The following ARHGEF16 variants were observed in gnomAD, a reference collection of about 807,000 sequenced individuals.
ARHGEF16 encodes Rho guanine nucleotide exchange factor 16.
ARHGEF16 carries 59 observed loss-of-function variants against 74.1 expected under a neutral mutation model. That is an observed-to-expected ratio of 0.80 (90% confidence interval 0.65 to 0.99). The LOEUF is 0.99. ARHGEF16 is among the 50% of genes least tolerant of loss of function. ARHGEF16 has a pLI of 0.00. For missense variants in ARHGEF16, 948 were observed against 986.6 expected (o/e 0.96, Z 0.52); for synonymous variants, 415 against 412.6 (o/e 1.01, Z -0.07).
chr1:3,465,448 G>A (rs913589011), intron 2 of ARHGEF16, among the ~76,000 whole-genome samples: 5 of 152,126 alleles, frequency 3.3e-5, no homozygotes, highest in South Asian at 2.1e-4. Context: ...GAGGCCGAAG[G>A]GGGGCTGGGG....
At chr1:3,465,615 C>T (rs1231981755) in intron 2 of ARHGEF16, among the ~76,000 whole-genome samples, 2 of 152,148 alleles carry the variant, frequency 1.3e-5, no homozygotes, top group East Asian at 3.9e-4. Context: ...ATACCTGTGG[C>T]GTCAGGAAAG....
chr1:3,476,146 G>C, intron 10 of ARHGEF16, 84 bp downstream of exon 10: 1 of 1,407,792 alleles, frequency 7.1e-7, no homozygotes, highest in South Asian at 1.3e-5. Context: ...TCACACCCCT[G>C]AGCCTGAGGG....
intron 1 of ARHGEF16, among the ~76,000 whole-genome samples, chr1:3,459,718 T>C (rs573933004): frequency 6.6e-6 from 1 of 152,100 alleles, no homozygotes; most frequent in African/African-American, 2.4e-5. Context: ...CAGGGAAAAA[T>C]TAACTGGGGA....
chr1:3,463,074 A>G lies in ARHGEF16; in HGVS notation c.-11A>G. 1 of 1,446,966 alleles carries G rather than the reference A, an allele frequency of 6.9e-7. No homozygotes were observed. The highest frequency in any genetic ancestry group is 2.5e-5 in the East Asian group (1 of 39,872). The allele number at this position is 1,446,966 out of a possible 1,614,324, so 89.6% of individuals were successfully genotyped here. ...TTCTGCCCTTCCCCCAGGACCCCAC[A>G]GCCGCCCAGCATGGCCCAGCGGCAC... On this transcript the variant is annotated 5_prime_UTR_variant, in exon 2 of 15. Transcript: ENST00000378378.
In ARHGEF16 at chr1:3,470,624, C is replaced by T. The variant is rs548857083; in HGVS notation, c.1022+1031C>T. ...AGGTGTGTGTGAGTGGGTGTGTGTG[C>T]GTGGGCAGGGATGTCTGTGTATCTG... is the stretch of plus-strand genomic sequence containing the variant. On this transcript the variant is annotated intron_variant, in intron 6 of 14. Transcript: ENST00000378378. 7.8e-5 allele frequency among the ~76,000 whole-genome samples: 11 copies of T among 141,642 alleles called. No homozygotes were observed. In the South Asian group the frequency reaches 1.4e-3, roughly 18 times the overall value. 92.9% of individuals were successfully genotyped at this position (141,642 alleles called of 152,430 possible).
intron 4 of ARHGEF16, 108 bp downstream of exon 4, chr1:3,467,445 G>C: frequency 7.6e-7 from 1 of 1,316,150 alleles, no homozygotes; most frequent in Non-Finnish European, 1.0e-6. Context: ...CAGCAGCCCA[G>C]TCCTCCCAGG....
chr1:3,465,947 C>A, intron 2 of ARHGEF16: 1 of 599,582 alleles, frequency 1.7e-6, no homozygotes, highest in South Asian at 2.0e-5. Context: ...AGCCCTCAGT[C>A]ACGTGTCCTG....
chr1:3,456,918 G>A (rs898176962), intron 1 of ARHGEF16, among the ~76,000 whole-genome samples: 21 of 152,208 alleles, frequency 1.4e-4, no homozygotes, highest in African/African-American at 4.3e-4. Context: ...GCACTTCCCC[G>A]CCCCCACCGC....
intron 6 of ARHGEF16, among the ~76,000 whole-genome samples, chr1:3,470,892 GTGTGCCTGGCCAGGGGTA>G (rs1639698277): frequency 1.4e-5 from 2 of 142,780 alleles, no homozygotes; most frequent in South Asian, 2.2e-4. Flanking sequence ...GCGTGGGTGT[GTGTGCCTGGCCAGGGGTA>G]TGTGTGTGGG....
chr1:3,480,617 G>C lies in ARHGEF16; in HGVS notation c.*30G>C. ...GGCGAGGCCAGCCGGCGGCAGCACA[G>C]CCTGTCTCCAATCAGCAAGTGGTCG... On this transcript the variant is annotated 3_prime_UTR_variant, in exon 15 of 15. Coordinates refer to ENST00000378378, the MANE Select transcript of ARHGEF16 (RefSeq NM_014448.4). The C allele has an allele frequency of 1.3e-6, 2 of 1,597,200 alleles. No individual in the cohort carries two copies. The highest frequency in any genetic ancestry group is 1.7e-6 in the Non-Finnish European group (2 of 1,176,930).
At chr1:3,478,273 C>T in intron 11 of ARHGEF16, 151 bp from the exon 12 acceptor site, 1 of 984,778 alleles carries the variant, frequency 1.0e-6, no homozygotes, top group Non-Finnish European at 1.5e-6. Context: ...AAGCCATGGC[C>T]TCTGTTCTGT....
At chr1:3,467,460 G>A in intron 4 of ARHGEF16, 123 bp downstream of exon 4, 1 of 1,210,202 alleles carries the variant, frequency 8.3e-7, no homozygotes, top group South Asian at 1.6e-5. Context: ...CCCAGGGAGG[G>A]TGGGCAGCCT....
At position 3,480,835 on chromosome 1, in the gene ARHGEF16, G is replaced by C; in HGVS notation, c.*248G>C. ...GTCCCAGGGAGCCCAGCCTATTCCC[G>C]TTGGCTGGCTGGGCCCCTCAGCTGC... On this transcript the variant is annotated 3_prime_UTR_variant, in exon 15 of 15. Transcript: ENST00000378378. The C allele has an allele frequency of 2.0e-6, 1 of 501,536 alleles. No individual in the cohort carries two copies. Among genetic ancestry groups the C allele is most frequent in the Non-Finnish European group, 3.3e-6 (1 of 302,980 alleles). The allele number at this position is 501,536 out of a possible 1,614,324, so 31.1% of individuals were successfully genotyped here.
intron 1 of ARHGEF16, among the ~76,000 whole-genome samples, chr1:3,456,511 T>C (rs1004367652): frequency 6.6e-6 from 1 of 152,294 alleles, no homozygotes; most frequent in Middle Eastern, 3.4e-3. Context: ...CGGTCCCCAT[T>C]TGGGGACAGC....
Position 3,480,549 on chromosome 1 carries a change from C to T in ARHGEF16, c.2092C>T (p.Arg698Cys), listed in dbSNP as rs1044711339. 6 of 1,610,992 alleles carry T rather than the reference C, an allele frequency of 3.7e-6. No individual in the cohort carries two copies. Among genetic ancestry groups the T allele is most frequent in the South Asian group, 1.1e-5 (1 of 91,082 alleles). Reference protein sequence around the residue: ...TSRVAVEGNVRRMERLRVETD... With the variant: ...TSRVAVEGNVCRMERLRVETD... ...CCGTGTGGCCGTGGAGGGCAATGTC[C>T]GCAGGATGGAGCGTCTGCGGGTGGA... The change falls in exon 15 of 15, where the codon CGC becomes TGC. Residue 698 changes from arginine to cysteine, a missense_variant. Arg to Cys is a radical substitution (Grantham distance 180). Transcript: ENST00000378378.
At chr1:3,460,546 A>C (rs1639369279) in intron 1 of ARHGEF16, among the ~76,000 whole-genome samples, 1 of 152,232 alleles carries the variant, frequency 6.6e-6, no homozygotes. Flanking sequence ...CATCACATTT[A>C]GAATAAAAGG....
rs112078338 is a variant in ARHGEF16 at position 3,477,916 on chromosome 1, C to T, written c.1515C>T (p.Arg505=). 24 of 1,612,668 alleles carry T rather than the reference C, an allele frequency of 1.5e-5. No individual in the cohort carries two copies. Among genetic ancestry groups the T allele is most frequent in the African/African-American group, 1.3e-4 (10 of 75,026 alleles). ...CTGCCTCCCGGTGGCTGCTGAAGCG[C>T]GGAGAGCTGTTCTTAGTGGAAGAAA... ...LISASRWLLK[R]GELFLVEETG... The change falls in exon 11 of 15, where the codon CGC becomes CGT. Residue 505 remains arginine, a synonymous_variant. Coordinates refer to ENST00000378378, the MANE Select transcript of ARHGEF16 (RefSeq NM_014448.4).
chr1:3,459,289 C>T (rs1639338110), intron 1 of ARHGEF16, among the ~76,000 whole-genome samples: 1 of 152,198 alleles, frequency 6.6e-6, no homozygotes, highest in Non-Finnish European at 1.5e-5. Context: ...GAGAACCACA[C>T]ACCGGTTGTG....
intron 12 of ARHGEF16, 93 bp downstream of exon 12, chr1:3,478,705 G>A: frequency 7.1e-7 from 1 of 1,404,266 alleles, no homozygotes. Flanking sequence ...GCTGTTGCAT[G>A]GCTGGCTCTG....
Sources: allele counts gnomAD v4.1 joint callset (sites outside exome capture counted in the v4.1 genomes callset), GRCh38; gene constraint gnomAD v4.1.1; transcripts MANE v1.5; gene names NCBI Gene and HGNC (gene_info 2026-07-23, HGNC 2026-07-21).